Variants in AGFG1 observed in about 807,000 individuals in gnomAD.
AGFG1 encodes ArfGAP with FG repeats 1, also known as arf-GAP domain and FG repeat-containing protein 1.
Under a neutral mutation model 60.6 loss-of-function variants are expected in AGFG1, and 10 were observed. The ratio of observed to expected loss-of-function variants is 0.16; its 90% CI spans 0.10 to 0.28. The LOEUF is 0.28. Ranked by LOEUF, AGFG1 falls within the 10% of genes least tolerant of loss-of-function variation. The pLI is 1.00. For missense variants in AGFG1, 537 were observed against 676.5 expected, an observed-to-expected ratio of 0.79 and a Z score of 2.29; for synonymous variants, 247 against 242.9, an observed-to-expected ratio of 1.02 and a Z score of -0.16.
intron 10 of AGFG1, among the ~76,000 whole-genome samples, chr2:227,542,909 A>T (rs1692535084): frequency 6.6e-6 from 1 of 152,004 alleles, no homozygotes; most frequent in Non-Finnish European, 1.5e-5. Context: ...CCAGGAATTT[A>T]TCCATTTCTT....
rs147151247 is a variant in AGFG1 at position 227,540,701 on chromosome 2, G to A, written c.1378+3708G>A. 5.7e-3 allele frequency among the ~76,000 whole-genome samples: 869 copies of A among 152,250 alleles called. 6 individuals are homozygous for A. Among genetic ancestry groups the A allele is most frequent in the South Asian group, 0.021 (102 of 4,828 alleles). ...AGCAGCATGATTTATAATCCTTTGG[G>A]TATATACCCAGTAATGGGATGGTTG... On this transcript the variant is annotated intron_variant, in intron 10 of 12. Coordinates refer to ENST00000310078, the MANE Select transcript of AGFG1 (RefSeq NM_004504.5).
intron 5 of AGFG1, among the ~76,000 whole-genome samples, chr2:227,528,959 T>C (rs976335872): frequency 3.9e-5 from 6 of 152,212 alleles, no homozygotes; most frequent in African/African-American, 1.4e-4. Flanking sequence ...AAGAATGAAA[T>C]AGCTACATGT....
intron 5 of AGFG1, among the ~76,000 whole-genome samples, chr2:227,528,571 G>A (rs1692064916): frequency 6.6e-6 from 1 of 152,074 alleles, no homozygotes; most frequent in Non-Finnish European, 1.5e-5. Context: ...AATATATTCT[G>A]GTTTTATCTC....
chr2:227,490,527 G>A (rs1482596702), intron 1 of AGFG1, among the ~76,000 whole-genome samples: 1 of 149,620 alleles, frequency 6.7e-6, no homozygotes, highest in African/African-American at 2.5e-5. Context: ...GCAGTGAGCC[G>A]AGACTGCGCC....
At chr2:227,546,383 C>T (rs572595572) in intron 10 of AGFG1, among the ~76,000 whole-genome samples, 8 of 152,220 alleles carry the variant, frequency 5.3e-5, no homozygotes, top group African/African-American at 1.7e-4. Flanking sequence ...TTCCAGGTAC[C>T]GTCTGTCACA....
chr2:227,516,860 G>C lies in AGFG1; in HGVS notation c.262-3088G>C, dbSNP rs145249123. ...ATACAGTCAATAGTTTCATGGCTTT[G>C]GGTAAATAACTACCCTGTCTCTTGT... On this transcript the variant is annotated intron_variant, in intron 2 of 12. Transcript: ENST00000310078. 1.5e-3 allele frequency among the ~76,000 whole-genome samples: 226 copies of C among 152,204 alleles called. 3 individuals carry two copies. Among genetic ancestry groups the C allele is most frequent in the African/African-American group, 5.1e-3 (212 of 41,506 alleles).
chr2:227,472,969 GA>G (rs1481845614), intron 1 of AGFG1, among the ~76,000 whole-genome samples: 4 of 138,382 alleles, frequency 2.9e-5, no homozygotes, highest in African/African-American at 7.9e-5. Context: ...GGGGGTGGGG[GA>G]AGACGCTAGG....
rs1225986117 is a variant in AGFG1 at position 227,560,877 on chromosome 2, A to G, written c.*6382A>G. On this transcript the variant is annotated 3_prime_UTR_variant, in exon 13 of 13. Coordinates refer to ENST00000310078, the MANE Select transcript of AGFG1 (RefSeq NM_004504.5). The stretch of plus-strand genomic sequence containing the variant: ...TTGTTTTCTGCAAAAGTTTATTTTC[A>G]ATGAAGAATACTTGTCCTAATAGCT... 6.6e-6 allele frequency: 1 copy of G among 152,116 alleles called. No individual in the cohort carries two copies. Among genetic ancestry groups the G allele is most frequent in the Admixed American group, 6.5e-5 (1 of 15,274 alleles). 9.4% of individuals were successfully genotyped at this position (152,116 alleles called of 1,614,324 possible). A position where few individuals can be genotyped will look rare whatever the true frequency, so the allele number is the denominator to read the frequency against.
chr2:227,539,746 CAAAA>C (rs71039604), intron 10 of AGFG1, among the ~76,000 whole-genome samples: 1 of 65,560 alleles, frequency 1.5e-5, no homozygotes, highest in African/African-American at 5.2e-5. Flanking sequence ...CTCTAGCTCA[CAAAA>C]AAAAAAAAAA....
At chr2:227,484,747 A>C (rs1690576816) in intron 1 of AGFG1, among the ~76,000 whole-genome samples, 1 of 120,940 alleles carries the variant, frequency 8.3e-6, no homozygotes, top group African/African-American at 3.2e-5. Context: ...TCTGTTACCC[A>C]GGCTGGAGTG....
At chr2:227,492,265 A>G (rs1690841919) in intron 2 of AGFG1, among the ~76,000 whole-genome samples, 1 of 151,958 alleles carries the variant, frequency 6.6e-6, no homozygotes, top group South Asian at 2.1e-4. Context: ...AAAGTTTTTA[A>G]AATTTTTCTA....
chr2:227,477,337 A>G (rs1690315691), intron 1 of AGFG1, among the ~76,000 whole-genome samples: 1 of 152,228 alleles, frequency 6.6e-6, no homozygotes, highest in Admixed American at 6.5e-5. Flanking sequence ...ATTGAGTGCT[A>G]GCTGTGTGAC....
At chr2:227,551,808 A>T (rs1692829539) in intron 10 of AGFG1, 151 bp from the exon 11 acceptor site, 1 of 905,624 alleles carries the variant, frequency 1.1e-6, no homozygotes, top group African/African-American at 1.7e-5. Flanking sequence ...ACTAAAACTC[A>T]TTAACTTTGT....
intron 5 of AGFG1, among the ~76,000 whole-genome samples, chr2:227,526,238 G>A (rs776714231): frequency 8.6e-5 from 13 of 151,898 alleles, no homozygotes; most frequent in South Asian, 4.2e-4. Flanking sequence ...TCGCTCTCTC[G>A]CCGAGGCTGG....
intron 8 of AGFG1, among the ~76,000 whole-genome samples, chr2:227,535,659 T>C (rs537798299): frequency 6.6e-6 from 1 of 152,202 alleles, no homozygotes; most frequent in Non-Finnish European, 1.5e-5. Context: ...TAACAATGTT[T>C]TATTCATCTC....
intron 10 of AGFG1, among the ~76,000 whole-genome samples, chr2:227,541,824 A>G (rs1312914592): frequency 1.3e-5 from 2 of 152,196 alleles, no homozygotes; most frequent in Non-Finnish European, 2.9e-5. Flanking sequence ...CTTCCTATCC[A>G]TGAGCATGGA....
chr2:227,525,596 C>T (rs1272428026), intron 5 of AGFG1, among the ~76,000 whole-genome samples: 3 of 152,120 alleles, frequency 2.0e-5, no homozygotes, highest in Non-Finnish European at 4.4e-5. Context: ...TTCCTGTATT[C>T]CTTCTTTTTC....
intron 8 of AGFG1, among the ~76,000 whole-genome samples, chr2:227,536,073 G>C (rs1692300945): frequency 6.6e-6 from 1 of 151,932 alleles, no homozygotes; most frequent in African/African-American, 2.4e-5. Flanking sequence ...ACAACGTGCA[G>C]GTTTGTTACA....
At chr2:227,524,237 T>C (rs954785666) in intron 4 of AGFG1, among the ~76,000 whole-genome samples, 4 of 152,146 alleles carry the variant, frequency 2.6e-5, no homozygotes, top group African/African-American at 9.7e-5. Flanking sequence ...ATACAATTTG[T>C]AAAACATGAA....
Sources: allele counts gnomAD v4.1 joint callset (sites outside exome capture counted in the v4.1 genomes callset), GRCh38; gene constraint gnomAD v4.1.1; transcripts MANE v1.5; gene names NCBI Gene and HGNC (gene_info 2026-07-23, HGNC 2026-07-21).